The following OPHN1 variants were observed in gnomAD, a reference collection of about 807,000 sequenced individuals.
The protein encoded by OPHN1 is oligophrenin-1.
Under a neutral mutation model 60.7 loss-of-function variants are expected in OPHN1, and 11 were observed. The ratio of observed to expected loss-of-function variants is 0.18; its 90% CI spans 0.11 to 0.30. The LOEUF is 0.30. OPHN1 is among the 10% of genes least tolerant of loss of function. The probability of loss-of-function intolerance (pLI) is 1.00; values close to 1 mark genes in which losing one functional copy is unlikely to be tolerated. For synonymous variants in OPHN1, 226 were observed against 222.6 expected, an observed-to-expected ratio of 1.02 and a Z score of -0.14; for missense variants, 449 against 611.0, an observed-to-expected ratio of 0.73 and a Z score of 2.80.
At chrX:68,209,000 T>C (rs1351767038) in intron 9 of OPHN1, among the ~76,000 whole-genome samples, 1 of 112,289 alleles carries the variant, frequency 8.9e-6, no homozygotes, top group Admixed American at 9.4e-5. Context: ...TCATCACAAG[T>C]AAACTGCTCT....
intron 15 of OPHN1, among the ~76,000 whole-genome samples, chrX:68,144,409 G>A (rs1447992183): frequency 9.0e-6 from 1 of 110,818 alleles, no homozygotes; most frequent in East Asian, 2.8e-4. Context: ...GAACAACACT[G>A]AAAAAACAAT....
intron 2 of OPHN1, among the ~76,000 whole-genome samples, chrX:68,380,078 G>T (rs2078587079): frequency 9.0e-6 from 1 of 111,447 alleles, no homozygotes; most frequent in African/African-American, 3.3e-5. Flanking sequence ...TTGTTGGTAA[G>T]CTATTGATAA....
chrX:68,145,034 C>T (rs1266913462), intron 15 of OPHN1, among the ~76,000 whole-genome samples: 4 of 110,751 alleles, frequency 3.6e-5, no homozygotes, highest in Non-Finnish European at 7.6e-5. Flanking sequence ...GGAAAGTCTT[C>T]GATGATGAGT....
rs777006927 is a variant in OPHN1 at position 68,420,769 on chromosome X, A to AC, written c.154+12097dup. Among the ~76,000 whole-genome samples, 245 of 109,502 alleles carry AC rather than the reference A, an allele frequency of 2.2e-3. 1 individual carries two copies. Among genetic ancestry groups the AC allele is most frequent in the African/African-American group, 8.1e-3 (242 of 30,010 alleles). ...TTGGCTGCCTTCAGGCTGACACTGA[A>AC]CGTGCATTCTTGGCAAGATGCATTG... On this transcript the variant is annotated intron_variant, in intron 2 of 24. Coordinates refer to ENST00000355520, the MANE Select transcript of OPHN1 (RefSeq NM_002547.3).
intron 23 of OPHN1, among the ~76,000 whole-genome samples, chrX:68,048,735 G>T (rs778624108): frequency 1.8e-5 from 2 of 112,251 alleles, no homozygotes; most frequent in South Asian, 7.5e-4. Flanking sequence ...GAAGCTGGCT[G>T]CAGACCACGA....
At chrX:68,389,059 A>G (rs990249201) in intron 2 of OPHN1, among the ~76,000 whole-genome samples, 1 of 107,510 alleles carries the variant, frequency 9.3e-6, no homozygotes, top group Non-Finnish European at 1.9e-5. Flanking sequence ...AGCTCAAGCA[A>G]TCCTCCTGCC....
At chrX:68,291,548 T>C (rs749359198) in intron 3 of OPHN1, among the ~76,000 whole-genome samples, 1 of 111,001 alleles carries the variant, frequency 9.0e-6, no homozygotes, top group South Asian at 3.9e-4. Context: ...CAGTGGAACC[T>C]CAGAGGGCCT....
At chrX:68,394,615 T>C (rs1194322976) in intron 2 of OPHN1, among the ~76,000 whole-genome samples, 1 of 112,361 alleles carries the variant, frequency 8.9e-6, no homozygotes, top group Non-Finnish European at 1.9e-5. Flanking sequence ...GTAATATTTT[T>C]TCTTCATGTA....
rs1404455017 is a variant in OPHN1, at chrX:68,433,257, T to G, written c.-94A>C. On this transcript the variant is annotated 5_prime_UTR_variant, in exon 1 of 25. An upstream open reading frame in the 5' UTR loses its in-frame stop. Transcript: ENST00000355520. Reference sequence around the variant, plus strand: ...GGCTTCAGGGCCAGGGAGAGCTAACTATCGCAGTCGGATCCCGGCAGGGTG... The same window carrying G: ...GGCTTCAGGGCCAGGGAGAGCTAACGATCGCAGTCGGATCCCGGCAGGGTG... The G allele has an allele frequency of 1.0e-5, 4 of 390,202 alleles. No homozygotes were observed. The highest frequency in any genetic ancestry group is 1.0e-4 in the African/African-American group (4 of 39,840). 32.2% of individuals were successfully genotyped at this position (390,202 alleles called of 1,213,427 possible). A position where few individuals can be genotyped will look rare whatever the true frequency, so the allele number is the denominator to read the frequency against.
At chrX:68,364,401 A>G (rs898272755) in intron 2 of OPHN1, among the ~76,000 whole-genome samples, 1 of 112,408 alleles carries the variant, frequency 8.9e-6, no homozygotes, top group Non-Finnish European at 1.9e-5. Context: ...TTTATACTTA[A>G]TATAGTCGAA....
intron 2 of OPHN1, among the ~76,000 whole-genome samples, chrX:68,380,286 C>T (rs1569297440): frequency 9.0e-6 from 1 of 111,096 alleles, no homozygotes; most frequent in Non-Finnish European, 1.9e-5. Flanking sequence ...TCCCCTTTAT[C>T]ATTTTTTATT....
At position 68,079,250 on chromosome X, in the gene OPHN1, C is replaced by T. The variant is rs903308501; in HGVS notation, c.1687-5951G>A. 1.6e-4 allele frequency among the ~76,000 whole-genome samples: 18 copies of T among 110,781 alleles called. No homozygotes were observed. The Admixed American group carries it at 1.6e-3, about 10-fold the overall frequency. On this transcript the variant is annotated intron_variant, in intron 19 of 24. Transcript: ENST00000355520. ...TTAAATGAACTTAAGTCTCTCCTGT[C>T]TGAACCCAAGCTACTCTCCACTGCC...
chrX:68,187,635 T>C (rs746651761), intron 15 of OPHN1, among the ~76,000 whole-genome samples: 9 of 111,104 alleles, frequency 8.1e-5, no homozygotes, highest in African/African-American at 1.6e-4. Context: ...TGTTTGTTTG[T>C]TTGCTTGTTT....
rs181920944 is a variant in OPHN1 at position 68,372,379 on chromosome X, T to C, written c.154+60488A>G. Among the ~76,000 whole-genome samples the C allele has an allele frequency of 3.6e-5, 4 of 111,528 alleles. No individual in the cohort carries two copies. In the East Asian group the frequency reaches 1.1e-3, roughly 32 times the overall value. ...GAATGTAACCAATGCCACTGATCTG[T>C]ATACTTACAAATGGTCAAAATCAAA... is the stretch of plus-strand genomic sequence containing the variant. On this transcript the variant is annotated intron_variant, in intron 2 of 24. Coordinates refer to ENST00000355520, the MANE Select transcript of OPHN1 (RefSeq NM_002547.3).
intron 15 of OPHN1, among the ~76,000 whole-genome samples, chrX:68,143,345 C>G (rs2077250994): frequency 1.8e-5 from 2 of 111,819 alleles, no homozygotes; most frequent in South Asian, 7.6e-4. Flanking sequence ...AAGTTTGAAA[C>G]TATGCTTGGT....
chrX:68,234,662 G>A (rs1352944342), intron 5 of OPHN1, 74 bp from the exon 6 acceptor site: 2 of 818,420 alleles, frequency 2.4e-6, no homozygotes, highest in Non-Finnish European at 3.7e-6. Context: ...GGAGAATGAA[G>A]GAGATAGTGT....
chrX:68,142,179 T>C (rs1483620883), intron 15 of OPHN1, among the ~76,000 whole-genome samples: 1 of 112,183 alleles, frequency 8.9e-6, no homozygotes, highest in Non-Finnish European at 1.9e-5. Context: ...GTCCATGTTT[T>C]AGATGGAATT....
At chrX:68,069,789 T>C (rs1472420386) in intron 20 of OPHN1, among the ~76,000 whole-genome samples, 1 of 110,881 alleles carries the variant, frequency 9.0e-6, no homozygotes. Context: ...GACACCTGAA[T>C]GAAAGAGTGA....
chrX:68,264,401 A>G (rs759466590), intron 5 of OPHN1, among the ~76,000 whole-genome samples: 1 of 111,840 alleles, frequency 8.9e-6, no homozygotes, highest in African/African-American at 3.2e-5. Flanking sequence ...AACTCAAACA[A>G]ATTTACAAGA....
Sources: gnomAD v4.1 joint callset for allele counts (sites outside exome capture counted in the v4.1 genomes callset) on GRCh38, gnomAD v4.1.1 for gene constraint, MANE v1.5 for transcripts, NCBI Gene and HGNC (gene_info 2026-07-23, HGNC 2026-07-21) for gene names.